Variants in STIL observed in about 807,000 individuals in gnomAD.
The protein encoded by STIL is STIL centriolar assembly protein.
STIL carries 55 observed loss-of-function variants against 110.1 expected under a neutral mutation model. The observed-to-expected ratio is 0.50, with a 90% CI of 0.40 to 0.63. The LOEUF (loss-of-function observed/expected upper bound fraction) is 0.63, where lower values mean the gene tolerates loss of function less well. Ranked by LOEUF, STIL falls within the 20% of genes least tolerant of loss-of-function variation. STIL has a pLI of 0.00. For missense variants in STIL, 1,358 were observed against 1,530.0 expected (o/e 0.89, Z 1.87); for synonymous variants, 481 against 530.0 (o/e 0.91, Z 1.27).
At chr1:47,304,410 T>C (rs762554637) in intron 3 of STIL, among the ~76,000 whole-genome samples, 6 of 152,294 alleles carry the variant, frequency 3.9e-5, no homozygotes, top group Admixed American at 6.5e-5. Flanking sequence ...CTCCCCGCCA[T>C]AATCTATCCT....
rs1420993130 is a variant in STIL, at chr1:47,295,790, C to T, written c.760G>A (p.Val254Ile). Reference sequence around the variant, plus strand: ...ATTCCCACCAATGGTAGAGAATAAACCTTGGGATCAGATTCCAACAAAAGT... The same window carrying T: ...ATTCCCACCAATGGTAGAGAATAAATCTTGGGATCAGATTCCAACAAAAGT... ...LLLLLESDPK[V>I]YSLPLVGIWL... Residue 254 changes from valine (V) to isoleucine (I), a missense_variant, in exon 7 of 17, where the codon GTT becomes ATT. By Grantham distance (29) the Val-to-Ile change is conservative (BLOSUM62 3). Transcript: ENST00000371877. 2.5e-6 allele frequency: 4 copies of T among 1,612,356 alleles called. No homozygotes were observed. Among genetic ancestry groups the T allele is most frequent in the Non-Finnish European group, 3.4e-6 (4 of 1,178,976 alleles).
chr1:47,302,396 A>G, intron 3 of STIL, 50 bp from the exon 4 acceptor site: 1 of 1,340,308 alleles, frequency 7.5e-7, no homozygotes, highest in Non-Finnish European at 1.1e-6. Flanking sequence ...ATATCTTAAA[A>G]AAACCTCCTG....
At chr1:47,278,122 T>C (rs1007648446) in intron 12 of STIL, among the ~76,000 whole-genome samples, 1 of 152,200 alleles carries the variant, frequency 6.6e-6, no homozygotes, top group African/African-American at 2.4e-5. Flanking sequence ...GTTTTACTTC[T>C]AGGAATCTAT....
intron 15 of STIL, 92 bp from the exon 16 acceptor site, chr1:47,260,631 G>A: frequency 7.5e-6 from 10 of 1,341,908 alleles, no homozygotes; most frequent in Non-Finnish European, 9.5e-6. Flanking sequence ...CCAGCACTTT[G>A]GGAAGCCAAG....
intron 2 of STIL, among the ~76,000 whole-genome samples, chr1:47,308,996 G>A (rs1463756714): frequency 6.6e-5 from 10 of 151,318 alleles, no homozygotes; most frequent in African/African-American, 2.2e-4. Flanking sequence ...AGATTGCAGT[G>A]AGCCGAGATG....
intron 8 of STIL, among the ~76,000 whole-genome samples, chr1:47,291,098 G>T (rs866369613): frequency 5.3e-5 from 8 of 152,108 alleles, no homozygotes; most frequent in Non-Finnish European, 1.0e-4. Flanking sequence ...AGTGGCTCAC[G>T]CCTGTAATCG....
intron 1 of STIL, among the ~76,000 whole-genome samples, chr1:47,312,174 G>C (rs1159549097): frequency 6.6e-6 from 1 of 151,992 alleles, no homozygotes; most frequent in Non-Finnish European, 1.5e-5. Context: ...CCTTGTTCAA[G>C]ACAGAGAAAA....
At chr1:47,256,620 C>CAAAAAAAA (rs35642855) in intron 16 of STIL, among the ~76,000 whole-genome samples, 2 of 86,064 alleles carry the variant, frequency 2.3e-5, no homozygotes, top group Non-Finnish European at 4.5e-5. Flanking sequence ...GACTCCATCT[C>CAAAAAAAA]AAAAAAAAAA....
At chr1:47,274,243 G>C (rs996575430) in intron 12 of STIL, among the ~76,000 whole-genome samples, 11 of 152,178 alleles carry the variant, frequency 7.2e-5, no homozygotes, top group African/African-American at 2.4e-4. Flanking sequence ...TCCTAAAATT[G>C]ATCACTCAGT....
At position 47,272,113 on chromosome 1, in the gene STIL, C is replaced by T. The variant is rs1644859725; in HGVS notation, c.2346G>A (p.Leu782=). ...VSVEAQSSPG[L]HMRKGVSIAV... ...CAATGCTTACACCTTTTCTCATGTG[C>T]AAGCCAGGGGAAGACTGTGCTTCCA... The change falls in exon 13 of 17, where the codon TTG becomes TTA. Residue 782 remains leucine, a synonymous_variant. Coordinates refer to ENST00000371877, the MANE Select transcript of STIL (RefSeq NM_001048166.1). The T allele has an allele frequency of 9.9e-6, 16 of 1,614,126 alleles. No homozygotes were observed. In the East Asian group the frequency reaches 3.6e-4, roughly 36 times the overall value.
chr1:47,255,062 CAGG>C (rs1299808675), intron 16 of STIL, among the ~76,000 whole-genome samples: 2 of 151,762 alleles, frequency 1.3e-5, no homozygotes, highest in Non-Finnish European at 2.9e-5. Flanking sequence ...GAGCCTGAGG[CAGG>C]AGGATTGCTT....
In STIL at chr1:47,293,440, GAATAA is replaced by G; in HGVS notation, c.872+13_872+17del. ...GAAAGGATCGAAATAAAGTACTACAGAATAAAATATCACTTGCCTTTCTTGAACAG... is the reference window on the plus strand; with the variant it reads ...GAAAGGATCGAAATAAAGTACTACAGAATATCACTTGCCTTTCTTGAACAG... On this transcript the variant is annotated intron_variant, in intron 8 of 16. Coordinates refer to ENST00000371877, the MANE Select transcript of STIL (RefSeq NM_001048166.1). 1 of 1,599,860 alleles carries G rather than the reference GAATAA, an allele frequency of 6.3e-7. No homozygotes were observed.
intron 7 of STIL, among the ~76,000 whole-genome samples, 168 bp from the exon 8 acceptor site, chr1:47,293,712 A>G (rs192342491): frequency 1.8e-4 from 28 of 152,292 alleles, no homozygotes; most frequent in African/African-American, 6.7e-4. Flanking sequence ...GGAAGAATAT[A>G]TAGACATTTG....
intron 12 of STIL, among the ~76,000 whole-genome samples, chr1:47,273,312 G>C (rs1436628154): frequency 2.6e-5 from 4 of 152,096 alleles, no homozygotes; most frequent in African/African-American, 9.7e-5. Context: ...TCTGATTCCA[G>C]AACATTTTCA....
At chr1:47,298,307 C>T (rs2149162953) in intron 6 of STIL, among the ~76,000 whole-genome samples, 1 of 152,246 alleles carries the variant, frequency 6.6e-6, no homozygotes, top group Admixed American at 6.5e-5. Context: ...TATTGTCTAA[C>T]CTAGTTTTAT....
intron 3 of STIL, among the ~76,000 whole-genome samples, chr1:47,304,662 T>A (rs1645900327): frequency 6.6e-6 from 1 of 152,198 alleles, no homozygotes; most frequent in Non-Finnish European, 1.5e-5. Flanking sequence ...CTCTTTTGAA[T>A]TCCTACAATA....
Position 47,268,267 on chromosome 1 carries a change from G to A in STIL, c.2615+1368C>T, listed in dbSNP as rs944780692. On this transcript the variant is annotated intron_variant, in intron 14 of 16. Transcript: ENST00000371877. ...TTCCAGATCAGCCTGGCCAACATGGGAAGCCCCATCTCTACTAAAAATACA... is the reference window on the plus strand; with the variant it reads ...TTCCAGATCAGCCTGGCCAACATGGAAAGCCCCATCTCTACTAAAAATACA... Among the ~76,000 whole-genome samples, 105 of 150,338 alleles carry A rather than the reference G, an allele frequency of 7.0e-4. 1 individual carries two copies. The highest frequency in any genetic ancestry group is 6.9e-3 in the Admixed American group (104 of 15,118).
Position 47,289,095 on chromosome 1 carries a change from C to T in STIL, c.1023+340G>A, listed in dbSNP as rs925127989. Among the ~76,000 whole-genome samples, 18 of 134,160 alleles carry T rather than the reference C, an allele frequency of 1.3e-4. 1 individual carries two copies. The South Asian group carries it at 4.2e-3, about 31-fold the overall frequency. 88.0% of individuals were successfully genotyped at this position (134,160 alleles called of 152,430 possible). ...AAAAAAAAAAAAAAAAACATCAGGA[C>T]AAAGAAAAGTACTGAGATCCCACAA... On this transcript the variant is annotated intron_variant, in intron 9 of 16. Transcript: ENST00000371877.
chr1:47,311,772 T>C (rs1037679092), intron 1 of STIL, among the ~76,000 whole-genome samples: 2 of 152,110 alleles, frequency 1.3e-5, no homozygotes, highest in African/African-American at 4.8e-5. Context: ...TAAGGCCAGG[T>C]GTGGGAGCTC....
Sources: allele counts gnomAD v4.1 joint callset (sites outside exome capture counted in the v4.1 genomes callset), GRCh38; gene constraint gnomAD v4.1.1; transcripts MANE v1.5; gene names NCBI Gene and HGNC (gene_info 2026-07-23, HGNC 2026-07-21).